Variants in RIT2 observed in about 807,000 individuals in gnomAD.
RIT2 encodes the protein Ras like without CAAX 2.
A neutral mutation model predicts 23.7 loss-of-function variants in RIT2; 24 were observed. The observed-to-expected ratio is 1.01, with a 90% CI of 0.73 to 1.43. The LOEUF is 1.43. Ranked by LOEUF, RIT2 falls within the 40% of genes most tolerant of loss-of-function variation. The probability of loss-of-function intolerance (pLI) is 0.00; values close to 1 mark genes in which losing one functional copy is unlikely to be tolerated. For synonymous variants in RIT2, 107 were observed against 91.1 expected (o/e 1.17, Z -0.99); for missense variants, 236 against 266.9 (o/e 0.88, Z 0.81).
At chr18:42,950,792 G>A (rs1909832839) in intron 3 of RIT2, among the ~76,000 whole-genome samples, 1 of 151,124 alleles carries the variant, frequency 6.6e-6, no homozygotes, top group Non-Finnish European at 1.5e-5. Context: ...CAAACTTGTG[G>A]AGCATGTGAA....
intron 3 of RIT2, among the ~76,000 whole-genome samples, chr18:42,969,296 G>A (rs1440823417): frequency 6.6e-6 from 1 of 151,994 alleles, no homozygotes; most frequent in African/African-American, 2.4e-5. Context: ...TTAAGGAAGG[G>A]GTCATGCCCT....
At chr18:42,988,172 A>G (rs750824650) in intron 2 of RIT2, among the ~76,000 whole-genome samples, 2 of 152,182 alleles carry the variant, frequency 1.3e-5, no homozygotes, top group Non-Finnish European at 2.9e-5. Context: ...TCTTAGAAAC[A>G]TAATGTTGAG....
intron 4 of RIT2, among the ~76,000 whole-genome samples, chr18:42,832,380 G>T (rs1212407039): frequency 6.6e-6 from 1 of 152,008 alleles, no homozygotes; most frequent in African/African-American, 2.4e-5. Context: ...ACTTATATAG[G>T]CCAGTCACTT....
At chr18:43,089,262 C>T (rs929886129) in intron 1 of RIT2, among the ~76,000 whole-genome samples, 1 of 151,954 alleles carries the variant, frequency 6.6e-6, no homozygotes, top group African/African-American at 2.4e-5. Flanking sequence ...GATACAAAAT[C>T]AATGTGCGAA....
At chr18:42,791,119 A>T (rs1376630480) in intron 4 of RIT2, among the ~76,000 whole-genome samples, 1 of 152,230 alleles carries the variant, frequency 6.6e-6, no homozygotes, top group Non-Finnish European at 1.5e-5. Flanking sequence ...TAACTTGGGA[A>T]GCAGCAGGAC....
At chr18:42,848,765 T>C (rs1465388003) in intron 4 of RIT2, among the ~76,000 whole-genome samples, 2 of 152,098 alleles carry the variant, frequency 1.3e-5, no homozygotes, top group South Asian at 2.1e-4. Context: ...TTAGTGAAAA[T>C]ATTTTTGAAG....
intron 4 of RIT2, among the ~76,000 whole-genome samples, chr18:42,775,105 G>T (rs1394292304): frequency 6.6e-6 from 1 of 152,092 alleles, no homozygotes; most frequent in Non-Finnish European, 1.5e-5. Context: ...CATAACAAAA[G>T]TTTCTTACAT....
At chr18:43,024,014 T>C (rs1911654290) in intron 2 of RIT2, among the ~76,000 whole-genome samples, 2 of 152,030 alleles carry the variant, frequency 1.3e-5, no homozygotes, top group Admixed American at 6.6e-5. Flanking sequence ...AAGAGGATAG[T>C]AAGGACATCA....
chr18:42,749,649 C>T (rs1219586337), intron 4 of RIT2, among the ~76,000 whole-genome samples: 1 of 151,620 alleles, frequency 6.6e-6, no homozygotes, highest in Non-Finnish European at 1.5e-5. Context: ...AGTTCAGATA[C>T]TACAAACATA....
At chr18:42,780,710 T>G (rs1913790595) in intron 4 of RIT2, among the ~76,000 whole-genome samples, 1 of 152,138 alleles carries the variant, frequency 6.6e-6, no homozygotes, top group South Asian at 2.1e-4. Context: ...CGTAATATCT[T>G]TCTGCGTTAA....
chr18:43,010,998 G>C (rs536665356), intron 2 of RIT2, among the ~76,000 whole-genome samples: 1 of 151,800 alleles, frequency 6.6e-6, no homozygotes, highest in East Asian at 1.9e-4. Context: ...AATGGAAAAA[G>C]AAATACATGT....
chr18:42,884,923 C>T (rs990427455), intron 4 of RIT2, among the ~76,000 whole-genome samples: 1 of 152,188 alleles, frequency 6.6e-6, no homozygotes, highest in Non-Finnish European at 1.5e-5. Context: ...TCCACCCCAT[C>T]ATTCTTGCTC....
intron 1 of RIT2, among the ~76,000 whole-genome samples, chr18:43,090,832 T>A (rs920360341): frequency 6.6e-6 from 1 of 151,856 alleles, no homozygotes; most frequent in African/African-American, 2.4e-5. Context: ...TGAGAACACG[T>A]GTACACATGG....
chr18:43,042,765 TG>T (rs1912158166), intron 1 of RIT2, among the ~76,000 whole-genome samples: 1 of 152,180 alleles, frequency 6.6e-6, no homozygotes, highest in Non-Finnish European at 1.5e-5. Flanking sequence ...GATGGGGAGT[TG>T]TGGAGGAGGA....
chr18:42,935,712 G>C (rs1909437711), intron 3 of RIT2, among the ~76,000 whole-genome samples: 1 of 152,102 alleles, frequency 6.6e-6, no homozygotes. Context: ...ATTGAACAAA[G>C]TGCGCAAAGT....
At chr18:42,929,034 G>GAGAGATATATATAT (rs1555647353) in intron 3 of RIT2, among the ~76,000 whole-genome samples, 3 of 96,944 alleles carry the variant, frequency 3.1e-5, no homozygotes, top group African/African-American at 4.0e-5. Flanking sequence ...AAAATATGGA[G>GAGAGATATATATAT]ATATATATAT....
At chr18:42,865,065 C>T (rs1907433497) in intron 4 of RIT2, among the ~76,000 whole-genome samples, 1 of 152,206 alleles carries the variant, frequency 6.6e-6, no homozygotes, top group Admixed American at 6.6e-5. Flanking sequence ...CTGTACTTCA[C>T]ACACACAACT....
intron 4 of RIT2, among the ~76,000 whole-genome samples, chr18:42,913,990 G>A (rs2144122163): frequency 1.3e-5 from 2 of 151,968 alleles, no homozygotes; most frequent in Middle Eastern, 6.8e-3. Context: ...AATTAAAAAG[G>A]CAAATAAGAA....
chr18:42,782,873 A>C lies in RIT2; in HGVS notation c.427-39153T>G, dbSNP rs1913843082. On this transcript the variant is annotated intron_variant, in intron 4 of 4. Coordinates refer to ENST00000326695, the MANE Select transcript of RIT2 (RefSeq NM_002930.4). ...CTGGGAAAATTTTAAGTTAAGTGCC[A>C]GAGACAGGCAAAGAACAAGCAAGAT... is the stretch of plus-strand genomic sequence containing the variant. 2.6e-5 allele frequency among the ~76,000 whole-genome samples: 4 copies of C among 152,230 alleles called. No individual in the cohort carries two copies. In the South Asian group the frequency reaches 8.3e-4, roughly 32 times the overall value.
Sources: gnomAD v4.1 joint callset for allele counts (sites outside exome capture counted in the v4.1 genomes callset) on GRCh38, gnomAD v4.1.1 for gene constraint, MANE v1.5 for transcripts, NCBI Gene and HGNC (gene_info 2026-07-23, HGNC 2026-07-21) for gene names.